PARP10: variants seen among roughly 807,000 people sequenced by gnomAD.
PARP10 encodes poly(ADP-ribose) polymerase family member 10.
A neutral mutation model predicts 82.4 loss-of-function variants in PARP10; 56 were observed. The observed-to-expected ratio is 0.68, with a 90% CI of 0.55 to 0.85. The LOEUF (loss-of-function observed/expected upper bound fraction) is 0.85, where lower values mean the gene tolerates loss of function less well. Ranked by LOEUF, PARP10 falls within the 40% of genes least tolerant of loss-of-function variation. PARP10 has a pLI of 0.00. For missense variants in PARP10, 1,227 were observed against 1,379.4 expected, an observed-to-expected ratio of 0.89 and a Z score of 1.75; for synonymous variants, 576 against 601.1, an observed-to-expected ratio of 0.96 and a Z score of 0.61.
chr8:144,005,365 C>T (rs537996380), intron 1 of PARP10, among the ~76,000 whole-genome samples: 9 of 152,108 alleles, frequency 5.9e-5, no homozygotes, highest in African/African-American at 2.2e-4. Flanking sequence ...AGGCAGAGCA[C>T]CAGTATTTGC....
At position 143,983,367 on chromosome 8, in the gene PARP10, G is replaced by A. The variant is rs782347028; in HGVS notation, c.2222C>T (p.Pro741Leu). 9 of 1,606,542 alleles carry A rather than the reference G, an allele frequency of 5.6e-6. No individual in the cohort carries two copies. The African/African-American group carries it at 6.7e-5, about 12-fold the overall frequency. Residue 741 changes from proline (P) to leucine (L), a missense_variant, in exon 8 of 11, where the codon CCC becomes CTC. By Grantham distance (98) the Pro-to-Leu change is moderately conservative. Coordinates refer to ENST00000313028, the MANE Select transcript of PARP10 (RefSeq NM_032789.5). ...EVHVQEETVG[P>L]WRRTLPAELR... ...CTCTGCAGGCAGTGTGCGGCGCCAG[G>A]GCCCCACCGTCTCCTCCTGGACGTG...
chr8:143,995,055 A>C (rs1276429409), upstream of PARP10, among the ~76,000 whole-genome samples: 1 of 151,974 alleles, frequency 6.6e-6, no homozygotes, highest in Non-Finnish European at 1.5e-5. Flanking sequence ...TGAGAGGGAG[A>C]GGCTTTAGTG....
chr8:143,999,120 C>A (rs1834182342), intron 1 of PARP10, among the ~76,000 whole-genome samples: 1 of 151,958 alleles, frequency 6.6e-6, no homozygotes, highest in South Asian at 2.1e-4. Flanking sequence ...TGGCTCACTG[C>A]AGCCTCAATC....
upstream of PARP10, chr8:143,993,443 A>G (rs1834133763): frequency 6.4e-6 from 1 of 156,044 alleles, no homozygotes; most frequent in Non-Finnish European, 1.4e-5. Context: ...TCTCCCTGCC[A>G]CTTTCAACAT....
chr8:143,991,003 GC>G, upstream of PARP10: 1 of 392,768 alleles, frequency 2.5e-6, no homozygotes, highest in Non-Finnish European at 4.6e-6. Context: ...CCCTGGGAAG[GC>G]CCCACGGCGC....
In PARP10 at chr8:144,009,047, G is replaced by A. The variant is rs1032244879; in HGVS notation, c.-80+3483C>T. On this transcript the variant is annotated intron_variant, in intron 1 of 3. Coordinates refer to the PARP10 transcript ENST00000530478. ...AGGAGGGGCTGGAAGCAGCAGAGGC[G>A]TGGTGGGCCACAGTCTTCCCTGGCA... 9.2e-5 allele frequency among the ~76,000 whole-genome samples: 14 copies of A among 152,148 alleles called. No homozygotes were observed. In the East Asian group the frequency reaches 1.3e-3, roughly 15 times the overall value.
chr8:144,006,849 T>C (rs1226562124), intron 1 of PARP10, among the ~76,000 whole-genome samples: 1 of 152,196 alleles, frequency 6.6e-6, no homozygotes, highest in African/African-American at 2.4e-5. Context: ...TCCCAGCCTC[T>C]AGAACCATGA....
rs782064932 is a variant in PARP10, at chr8:143,986,117, C to G, written c.119G>C (p.Gly40Ala). Residue 40 changes from glycine (G) to alanine (A), a missense_variant, in exon 2 of 11, where the codon GGA (glycine) becomes GCA (alanine). Coordinates refer to ENST00000313028, the MANE Select transcript of PARP10 (RefSeq NM_032789.5). ...CAGTCTCTGCCAGCTCAACACAGGT[C>G]CCCCTCCAGAGCGTCGGCGGTTTTC... Reference protein sequence around the residue: ...YFENRRRSGGGPVLSWQRLGC... With the variant: ...YFENRRRSGGAPVLSWQRLGC... The G allele has an allele frequency of 2.5e-5, 40 of 1,613,930 alleles. No homozygotes were observed. Among genetic ancestry groups the G allele is most frequent in the African/African-American group, 4.0e-5 (3 of 74,926 alleles).
chr8:143,980,496 T>C (rs988651877), intron 9 of PARP10, among the ~76,000 whole-genome samples: 1 of 150,694 alleles, frequency 6.6e-6, no homozygotes, highest in African/African-American at 2.4e-5. Flanking sequence ...CACTCTAGCC[T>C]GGGCAACAGA....
intron 1 of PARP10, among the ~76,000 whole-genome samples, chr8:144,010,899 A>G (rs566863308): frequency 6.6e-6 from 1 of 152,130 alleles, no homozygotes; most frequent in Admixed American, 6.5e-5. Context: ...AAATAAATAA[A>G]TAAATAAACA....
intron 6 of PARP10, 52 bp from the exon 7 acceptor site, chr8:143,984,156 G>A (rs782056772): frequency 1.9e-6 from 3 of 1,581,034 alleles, no homozygotes; most frequent in South Asian, 1.1e-5. Flanking sequence ...GGCAGAGGAG[G>A]CCTGGGGCAG....
chr8:144,006,964 G>A (rs1554752118), intron 1 of PARP10, among the ~76,000 whole-genome samples: 1 of 152,172 alleles, frequency 6.6e-6, no homozygotes, highest in Admixed American at 6.5e-5. Flanking sequence ...GTGTCCACCT[G>A]CTCTCCATTC....
intron 1 of PARP10, among the ~76,000 whole-genome samples, chr8:144,007,732 G>T (rs1396912305): frequency 6.6e-6 from 1 of 152,116 alleles, no homozygotes; most frequent in Non-Finnish European, 1.5e-5. Flanking sequence ...AAGAGGTGAG[G>T]CTAGAGGCGA....
At chr8:144,003,402 C>T (rs190002493) in intron 1 of PARP10, among the ~76,000 whole-genome samples, 1 of 139,818 alleles carries the variant, frequency 7.2e-6, no homozygotes, top group Non-Finnish European at 1.5e-5. Context: ...GCACTCCAGC[C>T]TGGGTGACAG....
In PARP10 at chr8:143,983,355, G is replaced by A. The variant is rs1554748192; in HGVS notation, c.2234C>T (p.Thr745Ile). The change falls in exon 8 of 11, where the codon ACA becomes ATA. Residue 745 changes from threonine (T) to isoleucine (I), a missense_variant. By Grantham distance (89) the Thr-to-Ile change is moderately conservative (BLOSUM62 -1). Coordinates refer to ENST00000313028, the MANE Select transcript of PARP10 (RefSeq NM_032789.5). ...GCGAGCACGCAGCTCTGCAGGCAGT[G>A]TGCGGCGCCAGGGCCCCACCGTCTC... is the stretch of plus-strand genomic sequence containing the variant. ...QEETVGPWRR[T>I]LPAELRARLE... 1 of 1,608,078 alleles carries A rather than the reference G, an allele frequency of 6.2e-7. No individual in the cohort carries two copies. Among genetic ancestry groups the A allele is most frequent in the South Asian group, 1.1e-5 (1 of 90,622 alleles).
chr8:143,977,359 G>T lies in PARP10; in HGVS notation c.*125C>A. ...GCCATCCCCCACACCGCCTTCTGGA[G>T]CCCGCAGAGGGAGGCAGGGGCGTCC... On this transcript the variant is annotated 3_prime_UTR_variant, in exon 11 of 11. Transcript: ENST00000313028. 3.0e-6 allele frequency: 3 copies of T among 998,474 alleles called. No homozygotes were observed. Among genetic ancestry groups the T allele is most frequent in the Non-Finnish European group, 4.3e-6 (3 of 702,188 alleles). 61.9% of individuals were successfully genotyped at this position (998,474 alleles called of 1,614,324 possible).
chr8:144,000,658 G>C (rs781589480), intron 1 of PARP10, among the ~76,000 whole-genome samples: 14 of 152,066 alleles, frequency 9.2e-5, no homozygotes, highest in Non-Finnish European at 1.8e-4. Context: ...AATACACCTA[G>C]TGTAACACTG....
In PARP10 at chr8:143,983,497, G is replaced by A. The variant is rs782130105; in HGVS notation, c.2092C>T (p.Pro698Ser). The A allele has an allele frequency of 6.2e-7, 1 of 1,606,306 alleles. No individual in the cohort carries two copies. Among genetic ancestry groups the A allele is most frequent in the Non-Finnish European group, 8.5e-7 (1 of 1,177,348 alleles). ...LEQPPLEAEE[P>S]PDGGTDGKAQ... ...TTGCCATCAGTCCCCCCATCTGGGG[G>A]CTCTTCTGCCTCCAACGGGGGCTGC... The change falls in exon 8 of 11, where the codon CCC becomes TCC. Residue 698 changes from proline to serine, a missense_variant. Coordinates refer to ENST00000313028, the MANE Select transcript of PARP10 (RefSeq NM_032789.5).
intron 1 of PARP10, among the ~76,000 whole-genome samples, chr8:143,996,537 G>A (rs140130482): frequency 1.8e-3 from 281 of 152,324 alleles, no homozygotes; most frequent in African/African-American, 6.5e-3. Context: ...AGCACCTTCA[G>A]AACAGAGACT....
Sources: gnomAD v4.1 joint callset for allele counts (sites outside exome capture counted in the v4.1 genomes callset) on GRCh38, gnomAD v4.1.1 for gene constraint, MANE v1.5 for transcripts, NCBI Gene and HGNC (gene_info 2026-07-23, HGNC 2026-07-21) for gene names.